Variants in PRELID2 observed in about 807,000 individuals in gnomAD.
PRELID2 encodes the protein PRELI domain containing 2.
Under a neutral mutation model 28.4 loss-of-function variants are expected in PRELID2, and 25 were observed. The observed-to-expected ratio is 0.88, with a 90% CI of 0.64 to 1.23. The LOEUF (loss-of-function observed/expected upper bound fraction) is 1.23. Ranked by LOEUF, PRELID2 falls within the 50% of genes most tolerant of loss-of-function variation. The pLI is 0.00. For synonymous variants in PRELID2, 76 were observed against 71.6 expected, an observed-to-expected ratio of 1.06 and a Z score of -0.31; for missense variants, 201 against 214.4, an observed-to-expected ratio of 0.94 and a Z score of 0.39.
At chr5:145,741,470 AC>A (rs1205854679) in intron 1 of PRELID2, among the ~76,000 whole-genome samples, 7 of 32,098 alleles carry the variant, frequency 2.2e-4, no homozygotes, top group African/African-American at 6.3e-4. Flanking sequence ...TTATATATAA[AC>A]AAAATTTATT....
chr5:145,353,592 G>T, the PRELID2 span, among the ~76,000 whole-genome samples: 1 of 152,160 alleles, frequency 6.6e-6, no homozygotes, highest in African/African-American at 2.4e-5. Flanking sequence ...GGTGGAAGGG[G>T]AAGCAAACAC....
In PRELID2 at chr5:145,687,984, T is replaced by G. The variant is rs548005035; in HGVS notation, n.70+76947A>C. Among the ~76,000 whole-genome samples the G allele has an allele frequency of 1.7e-4, 26 of 152,360 alleles. No homozygotes were observed. The South Asian group carries it at 2.9e-3, about 17-fold the overall frequency. On this transcript the variant is annotated intron_variant and non_coding_transcript_variant, in intron 1 of 2. Transcript: ENST00000510259. ...AAGTCTTTGTTTCTTCATTGCATGGTGCAGCCTCAGAAAAGCACTCACATT... is the reference window on the plus strand; with the variant it reads ...AAGTCTTTGTTTCTTCATTGCATGGGGCAGCCTCAGAAAAGCACTCACATT...
chr5:145,323,803 T>C, the PRELID2 span, among the ~76,000 whole-genome samples: 1 of 152,228 alleles, frequency 6.6e-6, no homozygotes, highest in East Asian at 1.9e-4. Context: ...CTTATTCTTT[T>C]TTATGGCTGC....
At chr5:145,615,940 C>T (rs62394211) in intron 1 of PRELID2, among the ~76,000 whole-genome samples, 19,626 of 152,162 alleles carry the variant, frequency 0.13, 1,805 homozygotes, top group African/African-American at 0.23. Flanking sequence ...TTGGTAATGG[C>T]AAATTACCTC....
chr5:145,353,009 G>A, the PRELID2 span, among the ~76,000 whole-genome samples: 93 of 152,138 alleles, frequency 6.1e-4, no homozygotes, highest in Non-Finnish European at 1.0e-3. Flanking sequence ...ACTTTCCCAC[G>A]TTTTCCTATC....
the PRELID2 span, among the ~76,000 whole-genome samples, chr5:145,425,060 C>T: frequency 1.7e-5 from 2 of 117,716 alleles, no homozygotes; most frequent in African/African-American, 6.3e-5. Flanking sequence ...GAACTTAAAC[C>T]AATGTACAAG....
chr5:145,349,804 T>C, the PRELID2 span, among the ~76,000 whole-genome samples: 1 of 152,186 alleles, frequency 6.6e-6, no homozygotes, highest in Non-Finnish European at 1.5e-5. Flanking sequence ...GGGCCATTAA[T>C]GTACTACAGT....
intron 1 of PRELID2, among the ~76,000 whole-genome samples, chr5:145,494,034 T>C (rs969725850): frequency 1.3e-5 from 2 of 152,198 alleles, no homozygotes; most frequent in Non-Finnish European, 2.9e-5. Context: ...TCCTGAACAT[T>C]TACTTAGATT....
chr5:145,534,046 T>C (rs1752676708), intron 1 of PRELID2, among the ~76,000 whole-genome samples: 1 of 152,048 alleles, frequency 6.6e-6, no homozygotes, highest in South Asian at 2.1e-4. Flanking sequence ...GACTCCAATT[T>C]TTATTTCCCT....
chr5:145,237,730 A>G, the PRELID2 span, among the ~76,000 whole-genome samples: 1 of 152,110 alleles, frequency 6.6e-6, no homozygotes, highest in Non-Finnish European at 1.5e-5. Context: ...AGAGAGTGTG[A>G]TGGCAAATGA....
chr5:145,750,605 G>C (rs542518605), intron 1 of PRELID2, among the ~76,000 whole-genome samples: 9 of 152,182 alleles, frequency 5.9e-5, no homozygotes, highest in African/African-American at 2.2e-4. Context: ...GATCTGACCA[G>C]GATATGCTAT....
At chr5:145,403,451 C>T in the PRELID2 span, among the ~76,000 whole-genome samples, 10 of 152,114 alleles carry the variant, frequency 6.6e-5, no homozygotes, top group African/African-American at 2.4e-4. Context: ...CTGCTTCCCC[C>T]ATGCACAGTA....
At chr5:145,443,344 C>T in the PRELID2 span, among the ~76,000 whole-genome samples, 1 of 152,010 alleles carries the variant, frequency 6.6e-6, no homozygotes, top group Non-Finnish European at 1.5e-5. Context: ...AGGCAAAAAA[C>T]TTCCCTTTCC....
At chr5:145,539,866 AGG>A (rs1752731830) in intron 1 of PRELID2, among the ~76,000 whole-genome samples, 1 of 151,878 alleles carries the variant, frequency 6.6e-6, no homozygotes, top group Admixed American at 6.6e-5. Context: ...TATTTTTACA[AGG>A]TATGATTGGA....
chr5:145,562,381 C>T (rs769416949), intron 1 of PRELID2, among the ~76,000 whole-genome samples: 42 of 152,216 alleles, frequency 2.8e-4, no homozygotes, highest in Admixed American at 1.2e-3. Flanking sequence ...AAATTTATGG[C>T]GTAAACATCA....
At chr5:145,259,737 AC>A in the PRELID2 span, among the ~76,000 whole-genome samples, 1 of 151,960 alleles carries the variant, frequency 6.6e-6, no homozygotes, top group South Asian at 2.1e-4. Context: ...CTCAGATGAG[AC>A]TCTCGACTTC....
chr5:145,295,431 C>A, the PRELID2 span, among the ~76,000 whole-genome samples: 1 of 152,102 alleles, frequency 6.6e-6, no homozygotes, highest in Non-Finnish European at 1.5e-5. Context: ...ACCCTTTACA[C>A]TGACTCATTG....
chr5:145,789,682 A>T (rs376669716), intron 5 of PRELID2, among the ~76,000 whole-genome samples: 21 of 152,344 alleles, frequency 1.4e-4, no homozygotes, highest in Middle Eastern at 3.4e-3. Flanking sequence ...AGCAAAGGAA[A>T]CAATTAATGG....
At chr5:145,347,606 T>C in the PRELID2 span, among the ~76,000 whole-genome samples, 1 of 152,114 alleles carries the variant, frequency 6.6e-6, no homozygotes, top group Non-Finnish European at 1.5e-5. Flanking sequence ...TTTTAGCTAT[T>C]TGTGCTAGTT....
Sources: gnomAD v4.1 joint callset for allele counts (sites outside exome capture counted in the v4.1 genomes callset) on GRCh38, gnomAD v4.1.1 for gene constraint, MANE v1.5 for transcripts, NCBI Gene and HGNC (gene_info 2026-07-23, HGNC 2026-07-21) for gene names.